The following SYNE1 variants were observed in gnomAD, a reference collection of about 807,000 sequenced individuals.
SYNE1 encodes the protein nesprin-1.
Under a neutral mutation model 1,111.0 loss-of-function variants are expected in SYNE1, and 616 were observed. The ratio of observed to expected loss-of-function variants is 0.55; its 90% CI spans 0.52 to 0.59. SYNE1 has a LOEUF of 0.59. Ranked by LOEUF, SYNE1 falls within the 20% of genes least tolerant of loss-of-function variation. The pLI, the probability that SYNE1 is intolerant of heterozygous loss-of-function variation, is 0.00. For synonymous variants in SYNE1, 3,855 were observed against 3,825.8 expected (o/e 1.01, Z -0.28); for missense variants, 10,006 against 10,417.0 (o/e 0.96, Z 1.72).
At position 152,425,532 on chromosome 6, in the gene SYNE1, C is replaced by T. The variant is rs1199616949; in HGVS notation, c.5116G>A (p.Val1706Ile). Reference protein sequence around the residue: ...LQLIQALQNEVVSQASFYSKL... With the variant: ...LQLIQALQNEIVSQASFYSKL... ...CTATAGAATGAGGCCTGGGATACAA[C>T]TTCATTTTGCAGTGCCTGAAAAATA... Residue 1706 changes from valine (V) to isoleucine (I), a missense_variant, in exon 39 of 146, where the codon GTT becomes ATT. Physicochemically the swap from Val to Ile is conservative, Grantham distance 29. Transcript: ENST00000367255. The T allele has an allele frequency of 1.9e-6, 3 of 1,614,032 alleles. No homozygotes were observed. In the South Asian group the frequency reaches 3.3e-5, roughly 18 times the overall value.
chr6:152,388,866 C>A (rs1309903630), intron 53 of SYNE1, among the ~76,000 whole-genome samples: 2 of 152,174 alleles, frequency 1.3e-5, no homozygotes, highest in Non-Finnish European at 1.5e-5. Context: ...AAATATCTAC[C>A]CATATTCCTA....
intron 122 of SYNE1, among the ~76,000 whole-genome samples, chr6:152,214,436 T>A (rs1328705066): frequency 6.6e-6 from 1 of 152,186 alleles, no homozygotes; most frequent in African/African-American, 2.4e-5. Flanking sequence ...CATACACAAG[T>A]CATGAGCTTA....
intron 96 of SYNE1, among the ~76,000 whole-genome samples, chr6:152,283,515 CTGTTT>C (rs943756315): frequency 2.0e-5 from 3 of 152,070 alleles, no homozygotes; most frequent in South Asian, 4.1e-4. Flanking sequence ...ATTCGGGAGA[CTGTTT>C]TGTTTTGTTT....
chr6:152,538,076 C>A (rs1482792141), intron 4 of SYNE1, among the ~76,000 whole-genome samples: 1 of 152,118 alleles, frequency 6.6e-6, no homozygotes, highest in Non-Finnish European at 1.5e-5. Context: ...TGAGTTCCAA[C>A]CTCTAGCTAT....
rs772654089 is a variant in SYNE1 at position 152,390,372 on chromosome 6, G to A, written c.8085C>T (p.Ser2695=). 4 of 1,614,090 alleles carry A rather than the reference G, an allele frequency of 2.5e-6. No individual in the cohort carries two copies. The change falls in exon 53 of 146, where the codon AGC becomes AGT. Residue 2695 remains serine, a synonymous_variant. Transcript: ENST00000367255. ...GAATCACCCTCTGACCTTCTTTGTT[G>A]CTACTTCTCAAGGCCTGTTCCCCCT... The part of the protein sequence containing the change: ...IGKGEQALRS[S]NKEGQRVIQT...
chr6:152,283,862 C>T (rs2094171122), intron 96 of SYNE1, 116 bp downstream of exon 96: 1 of 922,056 alleles, frequency 1.1e-6, no homozygotes, highest in African/African-American at 1.6e-5. Context: ...AACACAATCC[C>T]AGCTTAGGAG....
rs1002918180 is a variant in SYNE1, at chr6:152,369,198, A to T, written c.9652-71T>A. 3 of 1,582,370 alleles carry T rather than the reference A, an allele frequency of 1.9e-6. No individual in the cohort carries two copies. The African/African-American group carries it at 4.0e-5, about 21-fold the overall frequency. On this transcript the variant is annotated intron_variant, in intron 60 of 145. Coordinates refer to ENST00000367255, the MANE Select transcript of SYNE1 (RefSeq NM_182961.4). The stretch of plus-strand genomic sequence containing the variant: ...CATCGCGGACGAAGCTTTGGCCCAG[A>T]GAACATGGAAATCAACACTGGCAGG...
intron 6 of SYNE1, among the ~76,000 whole-genome samples, chr6:152,512,085 ATT>A (rs139854030): frequency 2.6e-5 from 4 of 151,992 alleles, no homozygotes; most frequent in African/African-American, 7.2e-5. Flanking sequence ...ATGTTTGTAC[ATT>A]TTTTTTATTT....
intron 29 of SYNE1, 129 bp downstream of exon 29, chr6:152,447,329 C>A: frequency 9.6e-7 from 1 of 1,039,838 alleles, no homozygotes; most frequent in African/African-American, 1.6e-5. Context: ...ACAAAAAAAG[C>A]ATAACAACAA....
At chr6:152,381,630 G>A (rs1023731339) in intron 55 of SYNE1, 7 of 511,392 alleles carry the variant, frequency 1.4e-5, no homozygotes, top group South Asian at 4.3e-5. Context: ...GGCATTATTC[G>A]CACACGTGAA....
intron 3 of SYNE1, among the ~76,000 whole-genome samples, chr6:152,591,133 A>G (rs2099561032): frequency 6.6e-6 from 1 of 151,756 alleles, no homozygotes; most frequent in Non-Finnish European, 1.5e-5. Context: ...TGGGTATTTC[A>G]TTTTCTTTGT....
intron 3 of SYNE1, among the ~76,000 whole-genome samples, chr6:152,547,269 C>CA (rs2099318405): frequency 6.6e-6 from 1 of 152,126 alleles, no homozygotes; most frequent in Non-Finnish European, 1.5e-5. Context: ...GTTGCTCTAA[C>CA]AAAAATCTAA....
At chr6:152,575,823 G>C (rs886689218) in intron 3 of SYNE1, among the ~76,000 whole-genome samples, 1 of 152,156 alleles carries the variant, frequency 6.6e-6, no homozygotes, top group Non-Finnish European at 1.5e-5. Flanking sequence ...ATAGCACAGT[G>C]CCTGGAATGT....
intron 145 of SYNE1, chr6:152,127,449 CTATTA>C (rs1337758794): frequency 1.3e-5 from 2 of 152,178 alleles, no homozygotes; most frequent in Non-Finnish European, 2.9e-5. Flanking sequence ...CAGCTTATCA[CTATTA>C]TCTGTATAAT....
At chr6:152,435,920 T>C in intron 33 of SYNE1, 21 bp downstream of exon 33, 3 of 1,613,962 alleles carry the variant, frequency 1.9e-6, no homozygotes, top group Non-Finnish European at 2.5e-6. Flanking sequence ...GAAGAAAGTT[T>C]AGGACTTGTC....
At chr6:152,435,887 A>G in intron 33 of SYNE1, 54 bp downstream of exon 33, 1 of 1,599,144 alleles carries the variant, frequency 6.3e-7, no homozygotes, top group Non-Finnish European at 8.6e-7. Flanking sequence ...TACAGGAAAG[A>G]TTGTATGAAA....
intron 3 of SYNE1, among the ~76,000 whole-genome samples, chr6:152,593,016 A>G (rs2099571371): frequency 6.6e-6 from 1 of 152,202 alleles, no homozygotes; most frequent in Non-Finnish European, 1.5e-5. Context: ...GTAGGTATTT[A>G]TCTTTCTTAA....
At chr6:152,218,156 C>T in intron 121 of SYNE1, 101 bp downstream of exon 121, 3 of 1,381,206 alleles carry the variant, frequency 2.2e-6, no homozygotes, top group Non-Finnish European at 3.1e-6. Flanking sequence ...CACACCACGG[C>T]ACTCCAGCTT....
intron 59 of SYNE1, 135 bp from the exon 60 acceptor site, chr6:152,369,749 G>T: frequency 1.0e-6 from 1 of 999,402 alleles, no homozygotes; most frequent in South Asian, 1.4e-5. Flanking sequence ...TTGGGTGGCC[G>T]AGGTGAGCAG....
Sources: allele counts gnomAD v4.1 joint callset (sites outside exome capture counted in the v4.1 genomes callset), GRCh38; gene constraint gnomAD v4.1.1; transcripts MANE v1.5; gene names NCBI Gene and HGNC (gene_info 2026-07-23, HGNC 2026-07-21).